FARP1: variants seen among roughly 807,000 people sequenced by gnomAD.
FARP1 encodes the protein FERM, ARHGEF and pleckstrin domain-containing protein 1.
A neutral mutation model predicts 128.8 loss-of-function variants in FARP1; 52 were observed. That is an observed-to-expected ratio of 0.40 (90% CI 0.32 to 0.51). FARP1 has a LOEUF of 0.51. Among genes scored for constraint, FARP1 ranks in the 20% least tolerant of loss-of-function variants. The probability of loss-of-function intolerance (pLI) is 0.45; values close to 1 mark genes in which losing one functional copy is unlikely to be tolerated. For missense variants in FARP1, 1,333 were observed against 1,367.9 expected, an observed-to-expected ratio of 0.97 and a Z score of 0.40; for synonymous variants, 580 against 551.8, an observed-to-expected ratio of 1.05 and a Z score of -0.72.
intron 2 of FARP1, among the ~76,000 whole-genome samples, chr13:98,263,117 T>G (rs949689067): frequency 2.6e-5 from 4 of 152,118 alleles, no homozygotes; most frequent in Non-Finnish European, 5.9e-5. Flanking sequence ...CAAGCGATTC[T>G]CCTGCCTCAG....
intron 1 of FARP1, among the ~76,000 whole-genome samples, chr13:98,149,984 G>A (rs536123404): frequency 2.0e-5 from 3 of 151,844 alleles, no homozygotes; most frequent in South Asian, 4.2e-4. Context: ...TGATCCGCCT[G>A]CCTAGGCCTC....
intron 2 of FARP1, among the ~76,000 whole-genome samples, chr13:98,229,529 C>G (rs1881988519): frequency 6.6e-6 from 1 of 151,102 alleles, no homozygotes; most frequent in Admixed American, 6.6e-5. Flanking sequence ...GACAGGGTCT[C>G]TCTGTTGCCC....
rs754085704 is a variant in FARP1, at chr13:98,453,021, G to C, written c.*4704G>C. On this transcript the variant is annotated 3_prime_UTR_variant, in exon 27 of 27. Coordinates refer to ENST00000319562, the MANE Select transcript of FARP1 (RefSeq NM_005766.4). Reference sequence around the variant, plus strand: ...ATCTGGCTGCAGCACAGTGAAGACTGTGTGTGTCCCTGGACGGGCGCCTGG... The same window carrying C: ...ATCTGGCTGCAGCACAGTGAAGACTCTGTGTGTCCCTGGACGGGCGCCTGG... 128 of 737,632 alleles carry C rather than the reference G, an allele frequency of 1.7e-4. No individual in the cohort carries two copies. Among genetic ancestry groups the C allele is most frequent in the Non-Finnish European group, 2.6e-4 (118 of 447,664 alleles). 45.7% of individuals were successfully genotyped at this position (737,632 alleles called of 1,614,324 possible). A position where few individuals can be genotyped will look rare whatever the true frequency, so the allele number is the denominator to read the frequency against.
At chr13:98,206,100 T>C (rs1880244369) in intron 1 of FARP1, among the ~76,000 whole-genome samples, 1 of 152,072 alleles carries the variant, frequency 6.6e-6, no homozygotes, top group African/African-American at 2.4e-5. Context: ...AGGTATGAAG[T>C]AGCTCTTTGC....
At chr13:98,159,861 G>A (rs1010750051) in intron 1 of FARP1, among the ~76,000 whole-genome samples, 1 of 152,216 alleles carries the variant, frequency 6.6e-6, no homozygotes, top group African/African-American at 2.4e-5. Flanking sequence ...CAAGGTGAGT[G>A]CCTCACTGGC....
intron 2 of FARP1, among the ~76,000 whole-genome samples, chr13:98,249,470 G>T (rs1333198753): frequency 6.6e-6 from 1 of 152,182 alleles, no homozygotes. Context: ...GAGGGAAGAG[G>T]TCTGATTTTT....
chr13:98,390,531 G>A (rs1566945826), intron 10 of FARP1: 5 of 448,080 alleles, frequency 1.1e-5, no homozygotes, highest in Non-Finnish European at 2.0e-5. Flanking sequence ...TTCACTAAAG[G>A]CACAGGCTCT....
intron 1 of FARP1, among the ~76,000 whole-genome samples, chr13:98,171,705 T>C (rs1488988766): frequency 6.6e-6 from 1 of 152,168 alleles, no homozygotes; most frequent in Non-Finnish European, 1.5e-5. Context: ...TTAAAAAATA[T>C]GCAAAATTTT....
Position 98,143,384 on chromosome 13 carries a change from G to C in FARP1, c.-132G>C, listed in dbSNP as rs1269817239. The stretch of plus-strand genomic sequence containing the variant: ...GCGCCCGCGCCGCCGCCGCCCGCGG[G>C]TATTAATAGCCGGCGCCGCCGCGCC... On this transcript the variant is annotated 5_prime_UTR_variant, in exon 1 of 27. Transcript: ENST00000319562. 1.3e-5 allele frequency: 2 copies of C among 150,296 alleles called. No homozygotes were observed. Among genetic ancestry groups the C allele is most frequent in the African/African-American group, 4.9e-5 (2 of 41,146 alleles). 9.3% of individuals were successfully genotyped at this position (150,296 alleles called of 1,614,324 possible). A position where few individuals can be genotyped will look rare whatever the true frequency, so the allele number is the denominator to read the frequency against.
At chr13:98,372,984 A>G (rs912266412) in intron 5 of FARP1, among the ~76,000 whole-genome samples, 3 of 152,224 alleles carry the variant, frequency 2.0e-5, no homozygotes, top group African/African-American at 7.2e-5. Flanking sequence ...CATCGCGGCC[A>G]GCATGCTCAG....
rs767004502 is a variant in FARP1 at position 98,451,490 on chromosome 13, T to G, written c.*3173T>G. 5 of 152,162 alleles carry G rather than the reference T, an allele frequency of 3.3e-5. No individual in the cohort carries two copies. Among genetic ancestry groups the G allele is most frequent in the African/African-American group, 4.8e-5 (2 of 41,428 alleles). The allele number at this position is 152,162 out of a possible 1,614,324, so 9.4% of individuals were successfully genotyped here. ...GAGTTCAACCCAAATCCACTTCTAA[T>G]AAAATACCTCAATTTTAGAGCTTAA... On this transcript the variant is annotated 3_prime_UTR_variant, in exon 27 of 27. Transcript: ENST00000319562.
intron 2 of FARP1, among the ~76,000 whole-genome samples, chr13:98,334,600 A>C (rs1887662332): frequency 6.6e-6 from 1 of 152,192 alleles, no homozygotes; most frequent in South Asian, 2.1e-4. Context: ...TTCATGACTC[A>C]TGTGCTGTGG....
chr13:98,186,076 A>G (rs1272496195), intron 1 of FARP1, among the ~76,000 whole-genome samples: 3 of 152,018 alleles, frequency 2.0e-5, no homozygotes, highest in Non-Finnish European at 2.9e-5. Context: ...CACCATCACC[A>G]TCATCTATCT....
In FARP1 at chr13:98,409,389, G is replaced by A. The variant is rs376255939; in HGVS notation, c.1466G>A (p.Gly489Glu). The change falls in exon 14 of 27, where the codon GGG becomes GAG. Residue 489 changes from glycine (G) to glutamate (E), a missense_variant. Physicochemically the swap from Gly to Glu is moderately conservative, Grantham distance 98. This residue lies in a region of FARP1 where 1,009 missense variants were observed against 969.8 expected (regional missense o/e 1.04). Transcript: ENST00000319562. ...HLSELSVNSQ[G>E]GVAPANVTLS... The stretch of plus-strand genomic sequence containing the variant: ...TCCGAGCTGTCTGTGAACTCGCAGG[G>A]GGGAGTGGCCCCTGCCAACGTGACC... 1 of 1,614,042 alleles carries A rather than the reference G, an allele frequency of 6.2e-7. No individual in the cohort carries two copies. Among genetic ancestry groups the A allele is most frequent in the South Asian group, 1.1e-5 (1 of 91,058 alleles).
chr13:98,333,929 T>G (rs1887629467), intron 2 of FARP1: 1 of 151,630 alleles, frequency 6.6e-6, no homozygotes, highest in South Asian at 2.1e-4. Flanking sequence ...TTAATTTTTC[T>G]TCTTCCAACT....
At chr13:98,364,505 C>T (rs749567887) in intron 3 of FARP1, among the ~76,000 whole-genome samples, 7 of 152,212 alleles carry the variant, frequency 4.6e-5, no homozygotes, top group Non-Finnish European at 8.8e-5. Flanking sequence ...TGGTTCTCAG[C>T]ATGATTTTCT....
At chr13:98,143,678 C>T (rs1337748365) in intron 1 of FARP1, among the ~76,000 whole-genome samples, 186 bp downstream of exon 1, 3 of 150,982 alleles carry the variant, frequency 2.0e-5, no homozygotes, top group Admixed American at 2.0e-4. Context: ...GCCCGGGCAG[C>T]CCCGGCCACC....
At chr13:98,380,422 G>T (rs528164339) in intron 6 of FARP1, among the ~76,000 whole-genome samples, 111 of 145,094 alleles carry the variant, frequency 7.7e-4, no homozygotes, top group Non-Finnish European at 1.4e-3. Flanking sequence ...GTGAGACTCT[G>T]TCTAAAAAAA....
chr13:98,396,797 C>T (rs1048407387), intron 13 of FARP1: 5 of 262,762 alleles, frequency 1.9e-5, no homozygotes, highest in Admixed American at 5.4e-5. Flanking sequence ...ATTATGAATC[C>T]GATCATGTGT....
Sources: allele counts gnomAD v4.1 joint callset (sites outside exome capture counted in the v4.1 genomes callset), GRCh38; gene constraint gnomAD v4.1.1; regional missense constraint gnomAD v4.1.1; transcripts MANE v1.5; gene names NCBI Gene and HGNC (gene_info 2026-07-23, HGNC 2026-07-21).